MGAT4C: variants seen among roughly 807,000 people sequenced by gnomAD.
The protein encoded by MGAT4C is alpha-1,3-mannosyl-glycoprotein 4-beta-N-acetylglucosaminyltransferase C.
MGAT4C carries 19 observed loss-of-function variants against 40.1 expected under a neutral mutation model. The observed-to-expected ratio is 0.47, with a 90% CI of 0.33 to 0.70. The LOEUF (loss-of-function observed/expected upper bound fraction) is 0.70, where lower values mean the gene tolerates loss of function less well. Among genes scored for constraint, MGAT4C ranks in the 30% least tolerant of loss-of-function variants. MGAT4C has a pLI of 0.02. For missense variants in MGAT4C, 491 were observed against 563.2 expected, an observed-to-expected ratio of 0.87 and a Z score of 1.30; for synonymous variants, 181 against 187.1, an observed-to-expected ratio of 0.97 and a Z score of 0.27.
At chr12:86,684,791 A>G (rs1225999393) in intron 2 of MGAT4C, among the ~76,000 whole-genome samples, 1 of 150,036 alleles carries the variant, frequency 6.7e-6, no homozygotes, top group Non-Finnish European at 1.5e-5. Flanking sequence ...GATGATGATG[A>G]GCTTTTTTTT....
chr12:86,043,363 C>T (rs1892063630), intron 2 of MGAT4C, among the ~76,000 whole-genome samples: 1 of 152,138 alleles, frequency 6.6e-6, no homozygotes, highest in African/African-American at 2.4e-5. Flanking sequence ...TGACAGAAGG[C>T]CTGATAGCCC....
intron 1 of MGAT4C, among the ~76,000 whole-genome samples, chr12:86,052,090 T>C (rs1201374794): frequency 6.6e-6 from 1 of 151,778 alleles, no homozygotes; most frequent in African/African-American, 2.4e-5. Context: ...CCTAAATATA[T>C]GTAATATAAT....
chr12:86,526,184 A>C (rs1958878798), intron 2 of MGAT4C, among the ~76,000 whole-genome samples: 2 of 151,890 alleles, frequency 1.3e-5, no homozygotes, highest in South Asian at 4.1e-4. Flanking sequence ...CTCTGTGCCT[A>C]GTTTCACTCC....
Position 85,985,838 on chromosome 12 carries a change from G to A in MGAT4C, c.148-2168C>T, listed in dbSNP as rs553327634. ...CAGTTTAGTATCAATTATTTTAATA[G>A]TAATGTAGTGATGTACATAATTAAT... On this transcript the variant is annotated intron_variant, in intron 3 of 4. Transcript: ENST00000611864. Among the ~76,000 whole-genome samples the A allele has an allele frequency of 1.8e-4, 28 of 152,212 alleles. No individual in the cohort carries two copies. The East Asian group carries it at 5.4e-3, about 29-fold the overall frequency.
intron 2 of MGAT4C, among the ~76,000 whole-genome samples, chr12:86,006,873 G>A (rs780552869): frequency 6.6e-6 from 1 of 151,944 alleles, no homozygotes; most frequent in South Asian, 2.1e-4. Context: ...TTTTCCTTTT[G>A]TATTCAGAGT....
At chr12:86,592,571 A>G in intron 2 of MGAT4C, among the ~76,000 whole-genome samples, 1 of 152,174 alleles carries the variant, frequency 6.6e-6, no homozygotes, top group South Asian at 2.1e-4. Context: ...TGCGAGGCAC[A>G]TGCCCAATTT....
At chr12:86,750,009 G>A (rs1246264894) in intron 1 of MGAT4C, among the ~76,000 whole-genome samples, 4 of 148,644 alleles carry the variant, frequency 2.7e-5, no homozygotes, top group African/African-American at 1.0e-4. Context: ...CAATGTATTT[G>A]TTGGATTGTT....
At chr12:86,538,141 C>T (rs563764665) in intron 2 of MGAT4C, among the ~76,000 whole-genome samples, 2 of 151,944 alleles carry the variant, frequency 1.3e-5, no homozygotes, top group South Asian at 2.1e-4. Context: ...TATTTGAAAG[C>T]CTAATTTTTA....
intron 2 of MGAT4C, among the ~76,000 whole-genome samples, chr12:86,039,104 C>T (rs2136930832): frequency 7.6e-6 from 1 of 132,036 alleles, no homozygotes. Flanking sequence ...GTCTGATGGG[C>T]TTCCCTTTGT....
At chr12:86,678,427 T>A (rs2136574712) in intron 2 of MGAT4C, among the ~76,000 whole-genome samples, 1 of 152,116 alleles carries the variant, frequency 6.6e-6, no homozygotes. Flanking sequence ...CCTCTTTTTT[T>A]TTTATTTTAT....
intron 2 of MGAT4C, among the ~76,000 whole-genome samples, chr12:86,467,949 C>T (rs1349057436): frequency 6.6e-6 from 1 of 152,036 alleles, no homozygotes; most frequent in Non-Finnish European, 1.5e-5. Flanking sequence ...GAATTAGCTG[C>T]TATCTTTTTC....
At chr12:86,339,199 A>T (rs530249311) in intron 3 of MGAT4C, among the ~76,000 whole-genome samples, 9 of 152,296 alleles carry the variant, frequency 5.9e-5, no homozygotes, top group Non-Finnish European at 1.3e-4. Context: ...ATGAAGGCAC[A>T]TGAATCCAAA....
intron 1 of MGAT4C, among the ~76,000 whole-genome samples, chr12:86,796,820 A>G (rs1264647771): frequency 6.6e-6 from 1 of 151,942 alleles, no homozygotes; most frequent in East Asian, 1.9e-4. Context: ...TATTTGAGGA[A>G]ATGCATATGT....
At position 85,974,217 on chromosome 12, in the gene MGAT4C, A is replaced by G. The variant is rs552780907; in HGVS notation, c.*5072T>C. 6.6e-6 allele frequency: 1 copy of G among 150,968 alleles called. No homozygotes were observed. The highest frequency in any genetic ancestry group is 2.4e-5 in the African/African-American group (1 of 41,440). The allele number at this position is 150,968 out of a possible 1,614,324, so 9.4% of individuals were successfully genotyped here. ...AAAGTATCTAAAAGGATGCACAAAG[A>G]TCTCTAATGTGCTGTGATTTTCAAA... On this transcript the variant is annotated 3_prime_UTR_variant, in exon 5 of 5. Coordinates refer to ENST00000611864, the MANE Select transcript of MGAT4C (RefSeq NM_001351288.2).
chr12:86,037,417 G>T (rs548249144), intron 2 of MGAT4C, among the ~76,000 whole-genome samples: 42 of 150,166 alleles, frequency 2.8e-4, no homozygotes, highest in African/African-American at 1.0e-3. Context: ...GCTTTCTCTT[G>T]TGGGCATTTA....
At chr12:86,832,729 C>G (rs913178974) in intron 1 of MGAT4C, among the ~76,000 whole-genome samples, 73 of 151,760 alleles carry the variant, frequency 4.8e-4, no homozygotes, top group African/African-American at 1.7e-3. Context: ...GACAAAGATT[C>G]TGACCCAAAC....
At chr12:86,126,742 G>A (rs1397684497) in intron 1 of MGAT4C, among the ~76,000 whole-genome samples, 1 of 152,160 alleles carries the variant, frequency 6.6e-6, no homozygotes, top group Non-Finnish European at 1.5e-5. Context: ...CTGAGAAAAT[G>A]CATTGTTAGG....
chr12:86,771,284 C>A (rs1002529427), intron 1 of MGAT4C, among the ~76,000 whole-genome samples: 2 of 152,076 alleles, frequency 1.3e-5, no homozygotes, highest in Non-Finnish European at 2.9e-5. Context: ...GTCAAAGCAA[C>A]CCTAGCCAAA....
intron 1 of MGAT4C, among the ~76,000 whole-genome samples, chr12:86,803,544 A>T (rs1420500910): frequency 6.6e-6 from 1 of 151,714 alleles, no homozygotes; most frequent in Non-Finnish European, 1.5e-5. Context: ...TCCAGAATCT[A>T]CAATGAACTC....
Sources: gnomAD v4.1 joint callset for allele counts (sites outside exome capture counted in the v4.1 genomes callset) on GRCh38, gnomAD v4.1.1 for gene constraint, MANE v1.5 for transcripts, NCBI Gene and HGNC (gene_info 2026-07-23, HGNC 2026-07-21) for gene names.